The following CCT4 variants were observed in gnomAD, a reference collection of about 807,000 sequenced individuals.
CCT4 encodes chaperonin containing TCP1 subunit 4.
CCT4 carries 17 observed loss-of-function variants against 62.5 expected under a neutral mutation model. The observed-to-expected ratio is 0.27, with a 90% CI of 0.19 to 0.41. CCT4 has a LOEUF of 0.41. Among genes scored for constraint, CCT4 ranks in the 10% least tolerant of loss-of-function variants. The probability of loss-of-function intolerance (pLI) is 1.00; values close to 1 mark genes in which losing one functional copy is unlikely to be tolerated. For synonymous variants in CCT4, 250 were observed against 229.9 expected, an observed-to-expected ratio of 1.09 and a Z score of -0.79; for missense variants, 592 against 659.2, an observed-to-expected ratio of 0.90 and a Z score of 1.12.
chr2:61,869,923 C>T (rs1044288516), intron 12 of CCT4, among the ~76,000 whole-genome samples: 2 of 149,998 alleles, frequency 1.3e-5, no homozygotes, highest in African/African-American at 4.9e-5. Context: ...TGAGCCATGG[C>T]GCCTGGCCAC....
chr2:61,877,820 T>C (rs1305613544), intron 5 of CCT4, among the ~76,000 whole-genome samples: 1 of 152,230 alleles, frequency 6.6e-6, no homozygotes, highest in East Asian at 1.9e-4. Context: ...GAGTATTTTC[T>C]ATCTAAAATG....
intron 10 of CCT4, 88 bp from the exon 11 acceptor site, chr2:61,872,676 C>A (rs1480224627): frequency 1.4e-6 from 2 of 1,381,536 alleles, no homozygotes; most frequent in South Asian, 1.3e-5. Flanking sequence ...GCCTGTAAAC[C>A]CAACACTTTG....
intron 4 of CCT4, 80 bp from the exon 5 acceptor site, chr2:61,879,091 A>G (rs532581902): frequency 2.0e-6 from 2 of 1,015,382 alleles, no homozygotes; most frequent in East Asian, 4.9e-5. Flanking sequence ...TTTCTACTCA[A>G]TGTCAAAGCA....
Position 61,868,501 on chromosome 2 carries a change from T to A in CCT4, c.*191A>T, listed in dbSNP as rs1668821026. On this transcript the variant is annotated 3_prime_UTR_variant, in exon 14 of 14. Transcript: ENST00000394440. The stretch of plus-strand genomic sequence containing the variant: ...TAACAGAATGTTGGGAGAAGATAAA[T>A]CTGCCTTTTGAAACCAAATATTTAA... 4 of 511,556 alleles carry A rather than the reference T, an allele frequency of 7.8e-6. No individual in the cohort carries two copies. The highest frequency in any genetic ancestry group is 1.4e-5 in the Non-Finnish European group (4 of 286,608). 31.7% of individuals were successfully genotyped at this position (511,556 alleles called of 1,614,324 possible). A position where few individuals can be genotyped will look rare whatever the true frequency, so the allele number is the denominator to read the frequency against.
intron 2 of CCT4, 53 bp from the exon 3 acceptor site, chr2:61,883,601 T>C (rs528400929): frequency 4.6e-6 from 4 of 863,356 alleles, no homozygotes; most frequent in African/African-American, 1.7e-5. Context: ...AATAGTTTTA[T>C]TAAACTTTTA....
At chr2:61,870,287 CA>C (rs1668856671) in intron 12 of CCT4, among the ~76,000 whole-genome samples, 1 of 151,956 alleles carries the variant, frequency 6.6e-6, no homozygotes, top group Admixed American at 6.6e-5. Flanking sequence ...AAAAACAAAA[CA>C]AAACAAAATA....
At chr2:61,869,618 G>T in intron 12 of CCT4, 65 bp from the exon 13 acceptor site, 1 of 845,108 alleles carries the variant, frequency 1.2e-6, no homozygotes, top group South Asian at 1.3e-5. Context: ...CAGCCACGTG[G>T]TTACCAGTGT....
At chr2:61,877,226 A>C (rs1669020174) in intron 6 of CCT4, among the ~76,000 whole-genome samples, 167 bp downstream of exon 6, 1 of 152,234 alleles carries the variant, frequency 6.6e-6, no homozygotes, top group African/African-American at 2.4e-5. Flanking sequence ...TCATAAGGTA[A>C]CATAAACAAA....
At chr2:61,880,611 G>A (rs1669091877) in intron 3 of CCT4, among the ~76,000 whole-genome samples, 1 of 152,144 alleles carries the variant, frequency 6.6e-6, no homozygotes, top group African/African-American at 2.4e-5. Flanking sequence ...CCCCTGCCCT[G>A]CTACTCAAAA....
chr2:61,872,203 G>C lies in CCT4; in HGVS notation c.1370C>G (p.Ala457Gly). 2 of 1,613,434 alleles carry C rather than the reference G, an allele frequency of 1.2e-6. No homozygotes were observed. The highest frequency in any genetic ancestry group is 1.1e-5 in the South Asian group (1 of 91,056). ...ESYCVRAFAD[A>G]MEVIPSTLAE... ...TAGTGTAGATGGAATGACCTCCATA[G>C]CATCTGCAAAAGCACGAACGCAGTA... The change falls in exon 12 of 14, where the codon GCT becomes GGT. Residue 457 changes from alanine (A) to glycine (G), a missense_variant. Transcript: ENST00000394440.
intron 3 of CCT4, 69 bp from the exon 4 acceptor site, chr2:61,880,463 A>G: frequency 1.3e-6 from 1 of 798,522 alleles, no homozygotes; most frequent in Non-Finnish European, 2.1e-6. Flanking sequence ...TAATTCAAAT[A>G]ATCGCACCAG....
In CCT4 at chr2:61,869,422, C is replaced by A. The variant is rs113355210; in HGVS notation, c.1605+18G>T. 2.1e-6 allele frequency: 3 copies of A among 1,447,716 alleles called. No individual in the cohort carries two copies. Among genetic ancestry groups the A allele is most frequent in the African/African-American group, 2.8e-5 (2 of 71,658 alleles). The allele number at this position is 1,447,716 out of a possible 1,614,324, so 89.7% of individuals were successfully genotyped here. ...CTTTTTGACCTCCTAAGAAAATTTG[C>A]AACCTGGAAACACTTACCACATCAT... On this transcript the variant is annotated intron_variant, in intron 13 of 13. Transcript: ENST00000394440.
Position 61,872,982 on chromosome 2 carries a change from T to C in CCT4, c.1125+20A>G, listed in dbSNP as rs377509545. On this transcript the variant is annotated intron_variant, in intron 10 of 13. Coordinates refer to ENST00000394440, the MANE Select transcript of CCT4 (RefSeq NM_006430.4). Reference sequence around the variant, plus strand: ...ATACCCAAACCTAAGCAAATAAAAATTTAAGTGTAATACTGTTACCTTGAG... The same window carrying C: ...ATACCCAAACCTAAGCAAATAAAAACTTAAGTGTAATACTGTTACCTTGAG... The C allele has an allele frequency of 3.6e-6, 5 of 1,378,778 alleles. No individual in the cohort carries two copies. The African/African-American group carries it at 4.3e-5, about 12-fold the overall frequency. 85.4% of individuals were successfully genotyped at this position (1,378,778 alleles called of 1,614,324 possible). A position where few individuals can be genotyped will look rare whatever the true frequency, so the allele number is the denominator to read the frequency against.
Position 61,878,877 on chromosome 2 carries a change from T to C in CCT4, c.514A>G (p.Asn172Asp), listed in dbSNP as rs369825912. 1.1e-5 allele frequency: 17 copies of C among 1,606,488 alleles called. No individual in the cohort carries two copies. The highest frequency in any genetic ancestry group is 1.4e-5 in the Non-Finnish European group (17 of 1,176,796). ...TLLNSATTSL[N>D]SKVVSQYSSL... ...GTTAGTGTTTGTCTCACCTTTGAGT[T>C]CAGTGAAGTGGTTGCACTATTTAAC... The change falls in exon 5 of 14, where the codon AAC (asparagine) becomes GAC (aspartate). Residue 172 changes from asparagine to aspartate, a missense_variant. Physicochemically the swap from Asn to Asp is conservative, Grantham distance 23. Around this residue, in one of 3 missense-constraint regions of CCT4, gnomAD observed 522 missense variants for 571.2 expected, o/e 0.91. Transcript: ENST00000394440.
intron 3 of CCT4, among the ~76,000 whole-genome samples, chr2:61,881,172 C>A (rs1271863842): frequency 6.6e-6 from 1 of 151,800 alleles, no homozygotes; most frequent in African/African-American, 2.4e-5. Flanking sequence ...AACAGCAAAA[C>A]TTCACGTAGC....
intron 2 of CCT4, 61 bp downstream of exon 2, chr2:61,884,959 A>G (rs1472749802): frequency 2.2e-6 from 3 of 1,388,570 alleles, no homozygotes; most frequent in Admixed American, 1.9e-5. Context: ...ACCCTTCAAC[A>G]AGATCTTGTA....
chr2:61,886,680 T>C (rs1365451457), intron 1 of CCT4, among the ~76,000 whole-genome samples: 8 of 152,218 alleles, frequency 5.3e-5, no homozygotes, highest in African/African-American at 1.9e-4. Flanking sequence ...TTGTCTGCTT[T>C]TGTTTCAAAG....
chr2:61,886,687 A>T (rs1669258551), intron 1 of CCT4, among the ~76,000 whole-genome samples: 1 of 152,110 alleles, frequency 6.6e-6, no homozygotes, highest in African/African-American at 2.4e-5. Context: ...CTTTTGTTTC[A>T]AAGGTTGCTA....
intron 1 of CCT4, among the ~76,000 whole-genome samples, chr2:61,885,404 AC>A (rs1428226219): frequency 6.6e-6 from 1 of 151,910 alleles, no homozygotes. Flanking sequence ...TAGTCAACGT[AC>A]ACAGTATTAT....
Sources: gnomAD v4.1 joint callset for allele counts (sites outside exome capture counted in the v4.1 genomes callset) on GRCh38, gnomAD v4.1.1 for gene constraint, gnomAD v4.1.1 regional missense constraint, MANE v1.5 for transcripts, NCBI Gene and HGNC (gene_info 2026-07-23, HGNC 2026-07-21) for gene names.